The following ORC3 variants were observed in gnomAD, a reference collection of about 807,000 sequenced individuals.
ORC3 encodes origin recognition complex subunit 3, also known as homolog of latheo, Drosophila.
ORC3 carries 78 observed loss-of-function variants against 100.7 expected under a neutral mutation model. The observed-to-expected ratio is 0.77, with a 90% CI of 0.65 to 0.94. The LOEUF is 0.94. Ranked by LOEUF, ORC3 falls within the 40% of genes least tolerant of loss-of-function variation. The pLI, the probability that ORC3 is intolerant of heterozygous loss-of-function variation, is 0.00. For synonymous variants in ORC3, 295 were observed against 289.3 expected (o/e 1.02, Z -0.20); for missense variants, 789 against 823.9 (o/e 0.96, Z 0.52).
intron 11 of ORC3, among the ~76,000 whole-genome samples, 198 bp from the exon 12 acceptor site, chr6:87,634,647 A>C (rs1450775020): frequency 6.6e-6 from 1 of 152,246 alleles, no homozygotes; most frequent in Non-Finnish European, 1.5e-5. Flanking sequence ...TGTGTAAAGT[A>C]TCACCAGACT....
the ORC3 span, among the ~76,000 whole-genome samples, chr6:87,674,488 C>A: frequency 5.9e-5 from 9 of 151,400 alleles, no homozygotes; most frequent in South Asian, 2.1e-4. Context: ...GAAAGGGAGT[C>A]AAATTTGCTG....
In ORC3 at chr6:87,636,446, T is replaced by A. The variant is rs139108147; in HGVS notation, c.1342T>A (p.Trp448Arg). The change falls in exon 13 of 20, where the codon TGG (tryptophan) becomes AGG (arginine). Residue 448 changes from tryptophan (W) to arginine (R), a missense_variant. Transcript: ENST00000392844. ...CTGTACATGTTTAGAAAAGAACATA[T>A]GGGATTCAGAGGAGTATGCATCAGT... ...LYCTCLEKNI[W>R]DSEEYASVLQ... is the part of the protein sequence containing the mutation. The A allele has an allele frequency of 6.2e-7, 1 of 1,612,450 alleles. No homozygotes were observed. The highest frequency in any genetic ancestry group is 1.3e-5 in the African/African-American group (1 of 74,900).
intron 16 of ORC3, among the ~76,000 whole-genome samples, chr6:87,659,027 G>GT (rs1554254491): frequency 7.1e-6 from 1 of 140,064 alleles, no homozygotes; most frequent in Non-Finnish European, 1.6e-5. Flanking sequence ...TGGGGCGGGG[G>GT]GGGGAGAACC....
intron 14 of ORC3, among the ~76,000 whole-genome samples, chr6:87,656,598 T>A (rs34934063): frequency 0.068 from 9,919 of 145,812 alleles, 401 homozygotes; most frequent in African/African-American, 0.12. Context: ...AAAAAAAAAA[T>A]TTTTTTTTTT....
chr6:87,676,907 T>C, the ORC3 span, among the ~76,000 whole-genome samples: 6 of 150,664 alleles, frequency 4.0e-5, no homozygotes, highest in Non-Finnish European at 8.8e-5. Flanking sequence ...AAACCCTGTC[T>C]CTACTAAAAA....
chr6:87,675,485 G>T, the ORC3 span: 1 of 1,477,196 alleles, frequency 6.8e-7, no homozygotes. Flanking sequence ...ACGAAAGCTT[G>T]AAATAACCTG....
At chr6:87,640,503 C>T (rs78971311) in intron 13 of ORC3, among the ~76,000 whole-genome samples, 2,410 of 152,220 alleles carry the variant, frequency 0.016, 67 homozygotes, top group African/African-American at 0.055. Flanking sequence ...AAGACCACAT[C>T]CCTATATGGG....
intron 2 of ORC3, among the ~76,000 whole-genome samples, chr6:87,596,912 C>G (rs1582994911): frequency 6.6e-6 from 1 of 152,006 alleles, no homozygotes; most frequent in Non-Finnish European, 1.5e-5. Flanking sequence ...CAGTAAGTAC[C>G]CTACGACCAG....
At chr6:87,634,413 T>C (rs1174941499) in intron 11 of ORC3, among the ~76,000 whole-genome samples, 1 of 152,208 alleles carries the variant, frequency 6.6e-6, no homozygotes, top group Non-Finnish European at 1.5e-5. Context: ...AGCAGAACTT[T>C]AGCAAGTTCA....
At chr6:87,646,188 G>T (rs1768773993) in intron 13 of ORC3, among the ~76,000 whole-genome samples, 1 of 151,718 alleles carries the variant, frequency 6.6e-6, no homozygotes, top group African/African-American at 2.4e-5. Context: ...GGGTTTCACT[G>T]TGTTAGCCAG....
intron 6 of ORC3, 129 bp from the exon 7 acceptor site, chr6:87,608,967 G>T (rs931618843): frequency 1.6e-6 from 1 of 615,596 alleles, no homozygotes; most frequent in Admixed American, 3.4e-5. Flanking sequence ...TCTATTTATC[G>T]TGTGGTAGAA....
intron 13 of ORC3, among the ~76,000 whole-genome samples, chr6:87,641,654 C>T (rs1768270357): frequency 6.6e-6 from 1 of 152,134 alleles, no homozygotes; most frequent in Non-Finnish European, 1.5e-5. Flanking sequence ...AGGAATTTAC[C>T]TTAGGCTAAA....
At chr6:87,605,467 G>A (rs1473073275) in intron 4 of ORC3, among the ~76,000 whole-genome samples, 1 of 152,116 alleles carries the variant, frequency 6.6e-6, no homozygotes, top group Non-Finnish European at 1.5e-5. Context: ...CCTGGCCAAC[G>A]TGGTGAAACC....
chr6:87,672,335 C>CA (rs1220527559), downstream of ORC3, among the ~76,000 whole-genome samples: 3 of 152,058 alleles, frequency 2.0e-5, no homozygotes, highest in Non-Finnish European at 2.9e-5. Context: ...TTTTTAATAA[C>CA]ATGCTTATTA....
At chr6:87,602,443 A>G (rs947042502) in intron 3 of ORC3, among the ~76,000 whole-genome samples, 1 of 150,928 alleles carries the variant, frequency 6.6e-6, no homozygotes, top group Admixed American at 6.6e-5. Flanking sequence ...TGGTAGCTCT[A>G]GGGCCAGCAT....
chr6:87,658,922 C>T (rs932701064), intron 16 of ORC3, among the ~76,000 whole-genome samples: 1 of 140,162 alleles, frequency 7.1e-6, no homozygotes, highest in African/African-American at 2.7e-5. Flanking sequence ...TTTATGTAGC[C>T]GTGTAAAATC....
the ORC3 span, among the ~76,000 whole-genome samples, chr6:87,674,216 C>T: frequency 2.0e-5 from 3 of 146,838 alleles, no homozygotes; most frequent in East Asian, 2.0e-4. Context: ...GCAGGAGAAT[C>T]GCTTGAACCT....
chr6:87,627,689 TTA>T (rs1780027462), intron 11 of ORC3, among the ~76,000 whole-genome samples: 1 of 152,248 alleles, frequency 6.6e-6, no homozygotes, highest in East Asian at 1.9e-4. Context: ...TACTCTTATG[TTA>T]TATAGTTGTA....
chr6:87,617,058 G>C (rs1164269698), intron 9 of ORC3, among the ~76,000 whole-genome samples: 1 of 152,170 alleles, frequency 6.6e-6, no homozygotes, highest in Non-Finnish European at 1.5e-5. Context: ...TTGGTTCCCA[G>C]AGTGCTGGGA....
Sources: gnomAD v4.1 joint callset for allele counts (sites outside exome capture counted in the v4.1 genomes callset) on GRCh38, gnomAD v4.1.1 for gene constraint, MANE v1.5 for transcripts, NCBI Gene and HGNC (gene_info 2026-07-23, HGNC 2026-07-21) for gene names.